The following ZNF750 variants were observed in gnomAD, a reference collection of about 807,000 sequenced individuals.
The protein encoded by ZNF750 is zinc finger protein 750, also known as protein ZNF750.
A neutral mutation model predicts 31.6 loss-of-function variants in ZNF750; 10 were observed. The ratio of observed to expected loss-of-function variants is 0.32; its 90% CI spans 0.19 to 0.54. The LOEUF is 0.54. Ranked by LOEUF, ZNF750 falls within the 20% of genes least tolerant of loss-of-function variation. ZNF750 has a pLI of 0.95. For missense variants in ZNF750, 914 were observed against 934.9 expected (o/e 0.98, Z 0.29); for synonymous variants, 400 against 404.9 (o/e 0.99, Z 0.15).
intron 1 of ZNF750, among the ~76,000 whole-genome samples, chr17:82,834,520 G>A (rs989143920): frequency 1.3e-5 from 2 of 152,204 alleles, no homozygotes; most frequent in Non-Finnish European, 2.9e-5. Context: ...TATACACCAT[G>A]GAATACTGTG....
intron 1 of ZNF750, among the ~76,000 whole-genome samples, chr17:82,838,480 T>C (rs2054175224): frequency 6.6e-6 from 1 of 152,202 alleles, no homozygotes; most frequent in Non-Finnish European, 1.5e-5. Flanking sequence ...TTTGGTGGTG[T>C]CCAGCTGTCT....
chr17:82,831,145 G>A lies in ZNF750; in HGVS notation c.1310C>T (p.Ala437Val), dbSNP rs140382598. 5.6e-6 allele frequency: 9 copies of A among 1,614,064 alleles called. No individual in the cohort carries two copies. Among genetic ancestry groups the A allele is most frequent in the South Asian group, 2.2e-5 (2 of 91,082 alleles). Residue 437 changes from alanine (A) to valine (V), a missense_variant, in exon 2 of 3, where the codon GCA becomes GTA. By Grantham distance (64) the Ala-to-Val change is moderately conservative. Transcript: ENST00000269394. The surrounding 1 kb of genome is among the most constrained non-coding windows in gnomAD (Gnocchi z 4.6). ...CEGLYDLSNK[A>V]ASSALGRLYP... ...GAGTCTTCCCAGTGCGCTGGAGGCTGCCTTGTTGGAGAGGTCGTACAGGCC... is the reference window on the plus strand; with the variant it reads ...GAGTCTTCCCAGTGCGCTGGAGGCTACCTTGTTGGAGAGGTCGTACAGGCC...
intron 1 of ZNF750, among the ~76,000 whole-genome samples, chr17:82,834,009 A>G (rs1391783476): frequency 6.6e-6 from 1 of 151,926 alleles, no homozygotes; most frequent in Non-Finnish European, 1.5e-5. Context: ...CCATGGCGCA[A>G]TCTCAGCTCA....
intron 1 of ZNF750, among the ~76,000 whole-genome samples, chr17:82,834,125 T>G (rs976493122): frequency 7.2e-5 from 11 of 152,294 alleles, no homozygotes; most frequent in African/African-American, 2.2e-4. Context: ...TTTTTGTATT[T>G]TTAGTAGAGA....
Position 82,831,513 on chromosome 17 carries a change from G to A in ZNF750, c.942C>T (p.Asn314=). ...TGTAAAATCCGTAAGGAATCGGCAG[G>A]TTAGAGGGATATTGCTGGAAAAACC... ...HYRFFQQYPS[N]LPIPYGFYRP... is the part of the protein sequence containing the mutation. Residue 314 remains asparagine (N), a synonymous_variant, in exon 2 of 3, where the codon AAC becomes AAT. Transcript: ENST00000269394. The surrounding 1 kb of genome is among the most constrained non-coding windows in gnomAD (Gnocchi z 4.6). 6.2e-7 allele frequency: 1 copy of A among 1,614,170 alleles called. No homozygotes were observed. Among genetic ancestry groups the A allele is most frequent in the Non-Finnish European group, 8.5e-7 (1 of 1,180,028 alleles).
Position 82,832,607 on chromosome 17 carries a change from C to T in ZNF750, c.-153G>A, listed in dbSNP as rs904473103. The T allele has an allele frequency of 4.7e-5, 33 of 707,204 alleles. No individual in the cohort carries two copies. Among genetic ancestry groups the T allele is most frequent in the African/African-American group, 5.3e-5 (3 of 56,338 alleles). 43.8% of individuals were successfully genotyped at this position (707,204 alleles called of 1,614,324 possible). ...CCAGCTCTGCGTGCTGAGGGTCTGG[C>T]GAGAGCCTCCGTCATCTGGCGGCTG... On this transcript the variant is annotated 5_prime_UTR_variant, in exon 2 of 3. Coordinates refer to ENST00000269394, the MANE Select transcript of ZNF750 (RefSeq NM_024702.3). The surrounding 1 kb of genome is among the most constrained non-coding windows in gnomAD (Gnocchi z 4.9).
At chr17:82,830,985 T>G in intron 2 of ZNF750, 34 bp downstream of exon 2, 1 of 1,613,670 alleles carries the variant, frequency 6.2e-7, no homozygotes, top group South Asian at 1.1e-5. Context: ...CCAGAAACAT[T>G]CCCTTGGAGG....
Position 82,829,896 on chromosome 17 carries a change from CAT to C in ZNF750, c.*244_*245del. Reference sequence around the variant, plus strand: ...GTAAGACAGCTTAGACTTGAAAATACATATCAGTCTTAGAGTCATTCAGGTGT... The same window carrying C: ...GTAAGACAGCTTAGACTTGAAAATACATCAGTCTTAGAGTCATTCAGGTGT... On this transcript the variant is annotated 3_prime_UTR_variant, in exon 3 of 3. Coordinates refer to ENST00000269394, the MANE Select transcript of ZNF750 (RefSeq NM_024702.3). 1.7e-6 allele frequency: 1 copy of C among 580,206 alleles called. No individual in the cohort carries two copies. The highest frequency in any genetic ancestry group is 3.0e-6 in the Non-Finnish European group (1 of 332,878). The allele number at this position is 580,206 out of a possible 1,614,324, so 35.9% of individuals were successfully genotyped here.
intron 1 of ZNF750, among the ~76,000 whole-genome samples, chr17:82,834,059 C>T (rs952507633): frequency 3.3e-5 from 5 of 152,204 alleles, no homozygotes; most frequent in Non-Finnish European, 7.3e-5. Context: ...ATTCTCCTGC[C>T]TCAGCCTCCC....
chr17:82,831,042 C>T lies in ZNF750; in HGVS notation c.1413G>A (p.Glu471=). 2.5e-6 allele frequency: 4 copies of T among 1,614,172 alleles called. No individual in the cohort carries two copies. Among genetic ancestry groups the T allele is most frequent in the Non-Finnish European group, 3.4e-6 (4 of 1,180,050 alleles). ...STECLPAQAA[E]TTAESPVSLN... The stretch of plus-strand genomic sequence containing the variant: ...ACCTTACTGGAGACTCTGCTGTGGT[C>T]TCAGCAGCCTGGGCAGGTAGGCATT... The change falls in exon 2 of 3, where the codon GAG becomes GAA. Residue 471 remains glutamate, a synonymous_variant. Coordinates refer to ENST00000269394, the MANE Select transcript of ZNF750 (RefSeq NM_024702.3). The surrounding 1 kb of genome is among the most constrained non-coding windows in gnomAD (Gnocchi z 4.6).
In ZNF750 at chr17:82,831,705, G is replaced by A. The variant is rs1438496291; in HGVS notation, c.750C>T (p.His250=). Residue 250 remains histidine, a synonymous_variant, in exon 2 of 3, where the codon CAC becomes CAT. Transcript: ENST00000269394. The surrounding 1 kb of genome is among the most constrained non-coding windows in gnomAD (Gnocchi z 4.6). The stretch of plus-strand genomic sequence containing the variant: ...AAGGCGAGTAGATGGTGGCCAGCCC[G>A]TGCTCTGTGTAAAAGTGAGGCGGGT... ...PEYPPHFYTE[H]GLATIYSPYL... The A allele has an allele frequency of 5.6e-6, 9 of 1,614,052 alleles. No homozygotes were observed. Among genetic ancestry groups the A allele is most frequent in the Middle Eastern group, 1.6e-4 (1 of 6,084 alleles).
intron 1 of ZNF750, among the ~76,000 whole-genome samples, chr17:82,838,368 G>A (rs1174951284): frequency 6.6e-6 from 1 of 151,938 alleles, no homozygotes; most frequent in African/African-American, 2.4e-5. Context: ...CACAGCGGAA[G>A]TAATTACAGT....
At position 82,831,325 on chromosome 17, in the gene ZNF750, A is replaced by C. The variant is rs567045344; in HGVS notation, c.1130T>G (p.Phe377Cys). Residue 377 changes from phenylalanine (F) to cysteine (C), a missense_variant, in exon 2 of 3, where the codon TTC becomes TGC. Phe to Cys is a radical substitution (Grantham distance 205). This residue lies in a region of ZNF750 where 880 missense variants were observed against 868.9 expected (regional missense o/e 1.01). Coordinates refer to ENST00000269394, the MANE Select transcript of ZNF750 (RefSeq NM_024702.3). This position sits in a 1 kb window ranked among gnomAD's most constrained non-coding sequence, Gnocchi z 4.6. ...PSDPNRKHVE[F>C]ESPIPEAKDS... ...TTTAGCCTCAGGAATTGGACTTTCG[A>C]ACTCGACGTGTTTTCTGTTGGGGTC... 6.2e-7 allele frequency: 1 copy of C among 1,613,880 alleles called. No individual in the cohort carries two copies. The highest frequency in any genetic ancestry group is 1.3e-5 in the African/African-American group (1 of 74,986).
Position 82,833,368 on chromosome 17 carries a change from G to A in ZNF750, c.-182-732C>T, listed in dbSNP as rs1244486877. Among the ~76,000 whole-genome samples, 2 of 152,090 alleles carry A rather than the reference G, an allele frequency of 1.3e-5. No homozygotes were observed. Among genetic ancestry groups the A allele is most frequent in the African/African-American group, 4.8e-5 (2 of 41,396 alleles). ...AGTTTCTGCCCACTTTAGCCACGTC[G>A]TTGGTGTATTCTAGTGTGCTTGTTT... On this transcript the variant is annotated intron_variant, in intron 1 of 2. Transcript: ENST00000269394. The surrounding 1 kb of genome is among the most constrained non-coding windows in gnomAD (Gnocchi z 4.7).
Position 82,832,616 on chromosome 17 carries a change from C to CT in ZNF750, c.-163_-162insA. The CT allele has an allele frequency of 1.5e-6, 1 of 686,474 alleles. No individual in the cohort carries two copies. Among genetic ancestry groups the CT allele is most frequent in the Non-Finnish European group, 2.5e-6 (1 of 394,832 alleles). 42.5% of individuals were successfully genotyped at this position (686,474 alleles called of 1,614,324 possible). A position where few individuals can be genotyped will look rare whatever the true frequency, so the allele number is the denominator to read the frequency against. The stretch of plus-strand genomic sequence containing the variant: ...CGTGCTGAGGGTCTGGCGAGAGCCT[C>CT]CGTCATCTGGCGGCTGGGAGCTGTA... On this transcript the variant is annotated 5_prime_UTR_variant, in exon 2 of 3. An upstream open reading frame in the 5' UTR loses its in-frame stop. Coordinates refer to ENST00000269394, the MANE Select transcript of ZNF750 (RefSeq NM_024702.3). This position sits in a 1 kb window ranked among gnomAD's most constrained non-coding sequence, Gnocchi z 4.9.
chr17:82,831,957 G>C lies in ZNF750; in HGVS notation c.498C>G (p.Gly166=). 1 of 1,613,952 alleles carries C rather than the reference G, an allele frequency of 6.2e-7. No individual in the cohort carries two copies. The highest frequency in any genetic ancestry group is 8.5e-7 in the Non-Finnish European group (1 of 1,179,894). Residue 166 remains glycine (G), a synonymous_variant, in exon 2 of 3, where the codon GGC becomes GGG. Transcript: ENST00000269394. The surrounding 1 kb of genome is among the most constrained non-coding windows in gnomAD (Gnocchi z 4.6). ...TGTCTGGCCCCTTGAGTCTGTGCTC[G>C]CCGACTGGAACAAATGCAGAAGGCC... is the stretch of plus-strand genomic sequence containing the variant. The part of the protein sequence containing the change: ...AARPSAFVPV[G]EHRLKGPDNA...
rs748853206 is a variant in ZNF750 at position 82,830,641 on chromosome 17, G to T, written c.1673C>A (p.Pro558His). The T allele has an allele frequency of 1.9e-5, 30 of 1,613,926 alleles. No homozygotes were observed. Among genetic ancestry groups the T allele is most frequent in the Non-Finnish European group, 2.5e-5 (30 of 1,179,956 alleles). ...DLPLNLSVKD[P>H]CNTQAPRPAF... ...AGGCCTCGGAGCCTGGGTGTTACAGGGGTCCTTCACCGAGAGATTGAGTGG... is the reference window on the plus strand; with the variant it reads ...AGGCCTCGGAGCCTGGGTGTTACAGTGGTCCTTCACCGAGAGATTGAGTGG... Residue 558 changes from proline to histidine, a missense_variant, in exon 3 of 3, where the codon CCC (proline) becomes CAC (histidine). Physicochemically the swap from Pro to His is moderately conservative, Grantham distance 77 (BLOSUM62 -2). Coordinates refer to ENST00000269394, the MANE Select transcript of ZNF750 (RefSeq NM_024702.3).
At position 82,830,116 on chromosome 17, in the gene ZNF750, C is replaced by CTGTGAACACACG; in HGVS notation, c.*14_*25dup. On this transcript the variant is annotated 3_prime_UTR_variant, in exon 3 of 3. Transcript: ENST00000269394. ...GGAAGGCGTGTGTGTGGCCGTAGCT[C>CTGTGAACACACG]TGTGAACACACGTGTGAACCCGGCG... is the stretch of plus-strand genomic sequence containing the variant. 6.2e-7 allele frequency: 1 copy of CTGTGAACACACG among 1,612,794 alleles called. No homozygotes were observed.
rs1311002031 is a variant in ZNF750, at chr17:82,830,232, A to G, written c.2082T>C (p.Asp694=). ...PKGQKRTSLR[D]AGKSQQGAKK... ...TAGCTCCTTGCTGGGATTTTCCAGC[A>G]TCCCTTAGACTTGTCCTCTTTTGTC... is the stretch of plus-strand genomic sequence containing the variant. Residue 694 remains aspartate (D), a synonymous_variant, in exon 3 of 3, where the codon GAT becomes GAC. Transcript: ENST00000269394. 6.2e-7 allele frequency: 1 copy of G among 1,614,102 alleles called. No individual in the cohort carries two copies.
Sources: allele counts gnomAD v4.1 joint callset (sites outside exome capture counted in the v4.1 genomes callset), GRCh38; gene constraint gnomAD v4.1.1; regional missense constraint gnomAD v4.1.1; non-coding constraint Gnocchi (gnomAD v3.1); transcripts MANE v1.5; gene names NCBI Gene and HGNC (gene_info 2026-07-23, HGNC 2026-07-21).